The following MAP3K13 variants were observed in gnomAD, a reference collection of about 807,000 sequenced individuals.
MAP3K13 encodes leucine zipper-bearing kinase.
A neutral mutation model predicts 104.0 loss-of-function variants in MAP3K13; 52 were observed. The observed-to-expected ratio is 0.50, with a 90% CI of 0.40 to 0.63. The LOEUF (loss-of-function observed/expected upper bound fraction) is 0.63. Ranked by LOEUF, MAP3K13 falls within the 20% of genes least tolerant of loss-of-function variation. The probability of loss-of-function intolerance (pLI) is 0.00; values close to 1 mark genes in which losing one functional copy is unlikely to be tolerated. For missense variants in MAP3K13, 914 were observed against 1,218.5 expected, an observed-to-expected ratio of 0.75 and a Z score of 3.72; for synonymous variants, 394 against 442.2, an observed-to-expected ratio of 0.89 and a Z score of 1.37.
At chr3:185,455,263 TG>T (rs1178484439) in intron 7 of MAP3K13, among the ~76,000 whole-genome samples, 404 of 33,644 alleles carry the variant, frequency 0.012, 107 homozygotes, top group Non-Finnish European at 0.02. Flanking sequence ...ATGAGATATA[TG>T]AGATATATAT....
chr3:185,295,350 G>A (rs896823168), intron 2 of MAP3K13, among the ~76,000 whole-genome samples: 17 of 151,904 alleles, frequency 1.1e-4, no homozygotes, highest in African/African-American at 2.7e-4. Flanking sequence ...GATTATAGGC[G>A]CCCGCCACTA....
chr3:185,432,350 C>T (rs1340071859), intron 2 of MAP3K13, among the ~76,000 whole-genome samples: 1 of 151,920 alleles, frequency 6.6e-6, no homozygotes. Context: ...GCCACCACGC[C>T]TGGCTAATTT....
chr3:185,480,426 T>C lies in MAP3K13; in HGVS notation c.2696T>C (p.Ile899Thr). 5 of 1,614,212 alleles carry C rather than the reference T, an allele frequency of 3.1e-6. No homozygotes were observed. Among genetic ancestry groups the C allele is most frequent in the Non-Finnish European group, 4.2e-6 (5 of 1,180,038 alleles). ...CAGACGCCAGAGATTCCCATTGACA[T>C]ATCCTCACACTCGGATGGGCTCTCT... ...LSQTPEIPID[I>T]SSHSDGLSDK... Residue 899 changes from isoleucine to threonine, a missense_variant, in exon 13 of 14, where the codon ATA (isoleucine) becomes ACA (threonine). Coordinates refer to ENST00000265026, the MANE Select transcript of MAP3K13 (RefSeq NM_004721.5).
intron 2 of MAP3K13, among the ~76,000 whole-genome samples, chr3:185,327,004 A>C (rs921908102): frequency 6.6e-6 from 1 of 152,194 alleles, no homozygotes; most frequent in Non-Finnish European, 1.5e-5. Flanking sequence ...CAAATTATCA[A>C]AAACTTTGTG....
At chr3:185,296,534 C>T (rs1369149427) in intron 2 of MAP3K13, among the ~76,000 whole-genome samples, 1 of 152,150 alleles carries the variant, frequency 6.6e-6, no homozygotes, top group Non-Finnish European at 1.5e-5. Context: ...GTTATGTGAC[C>T]TCAGTGAGGC....
rs968515708 is a variant in MAP3K13, at chr3:185,485,806, A to C, written c.*3350A>C. On this transcript the variant is annotated 3_prime_UTR_variant, in exon 14 of 14. Transcript: ENST00000265026. ...CTGGGGGTCTTGGAATGTATCCCCC[A>C]GAAATAAGGGAGGACTACCGTATAT... 8.5e-5 allele frequency: 13 copies of C among 152,170 alleles called. No individual in the cohort carries two copies. The highest frequency in any genetic ancestry group is 3.1e-4 in the African/African-American group (13 of 41,446). The allele number at this position is 152,170 out of a possible 1,614,324, so 9.4% of individuals were successfully genotyped here. A position where few individuals can be genotyped will look rare whatever the true frequency, so the allele number is the denominator to read the frequency against.
intron 2 of MAP3K13, among the ~76,000 whole-genome samples, chr3:185,323,809 G>C (rs1011910114): frequency 1.3e-5 from 2 of 152,032 alleles, no homozygotes; most frequent in African/African-American, 4.8e-5. Context: ...TTCATAATTT[G>C]ATTGCCAATT....
chr3:185,433,595 A>T (rs1714867115), intron 2 of MAP3K13, among the ~76,000 whole-genome samples: 1 of 152,218 alleles, frequency 6.6e-6, no homozygotes, highest in African/African-American at 2.4e-5. Flanking sequence ...TACTTCTGAT[A>T]ATTAGTTTCA....
intron 2 of MAP3K13, among the ~76,000 whole-genome samples, chr3:185,324,987 C>A (rs1721998227): frequency 6.6e-6 from 1 of 152,150 alleles, no homozygotes; most frequent in African/African-American, 2.4e-5. Context: ...CAAACATGTG[C>A]ACCCAAAGAA....
intron 1 of MAP3K13, among the ~76,000 whole-genome samples, chr3:185,284,098 A>G (rs1443657723): frequency 6.6e-6 from 1 of 151,460 alleles, no homozygotes; most frequent in African/African-American, 2.4e-5. Context: ...TCGGCCTCCC[A>G]AAGTGCTGGG....
At chr3:185,340,469 T>A (rs548650399) in intron 2 of MAP3K13, among the ~76,000 whole-genome samples, 5 of 152,110 alleles carry the variant, frequency 3.3e-5, no homozygotes. Flanking sequence ...CAGGAATGGC[T>A]TTAGGTACCA....
At chr3:185,347,547 G>A (rs956312054) in intron 2 of MAP3K13, among the ~76,000 whole-genome samples, 2 of 152,010 alleles carry the variant, frequency 1.3e-5, no homozygotes, top group Admixed American at 6.6e-5. Flanking sequence ...TTTAATACTA[G>A]CCCATTTTCT....
rs973469746 is a variant in MAP3K13 at position 185,482,839 on chromosome 3, C to A, written c.*383C>A. On this transcript the variant is annotated 3_prime_UTR_variant, in exon 14 of 14. Transcript: ENST00000265026. The surrounding 1 kb of genome is among the most constrained non-coding windows in gnomAD (Gnocchi z 4.5). ...AAAAAAAAAGAGATAAAAGAAAGAA[C>A]AGAAAAAAAGAAATAAGTGGAATTT... 6 of 232,606 alleles carry A rather than the reference C, an allele frequency of 2.6e-5. No homozygotes were observed. Among genetic ancestry groups the A allele is most frequent in the Non-Finnish European group, 4.2e-5 (5 of 119,138 alleles). 14.4% of individuals were successfully genotyped at this position (232,606 alleles called of 1,614,324 possible).
intron 1 of MAP3K13, among the ~76,000 whole-genome samples, chr3:185,401,065 T>C (rs1712782067): frequency 6.6e-6 from 1 of 152,192 alleles, no homozygotes; most frequent in Non-Finnish European, 1.5e-5. Flanking sequence ...TGCAGGTTTA[T>C]ACAAGCTCAT....
rs1056202442 is a variant in MAP3K13, at chr3:185,485,110, A to T, written c.*2654A>T. 1 of 152,332 alleles carries T rather than the reference A, an allele frequency of 6.6e-6. No individual in the cohort carries two copies. Among genetic ancestry groups the T allele is most frequent in the African/African-American group, 2.4e-5 (1 of 41,576 alleles). The allele number at this position is 152,332 out of a possible 1,614,324, so 9.4% of individuals were successfully genotyped here. A position where few individuals can be genotyped will look rare whatever the true frequency, so the allele number is the denominator to read the frequency against. On this transcript the variant is annotated 3_prime_UTR_variant, in exon 14 of 14. Transcript: ENST00000265026. ...AATAGTGGATGGACATATAGTTAAA[A>T]AGCTGTAAACTTTCTAAAGTTTCTT...
At chr3:185,456,726 C>T (rs774120681) in intron 7 of MAP3K13, among the ~76,000 whole-genome samples, 20 of 151,652 alleles carry the variant, frequency 1.3e-4, no homozygotes, top group African/African-American at 2.9e-4. Context: ...CTCAGCTTCC[C>T]GAGTAGCTGG....
Position 185,456,863 on chromosome 3 carries a change from C to A in MAP3K13, c.1278+5468C>A, listed in dbSNP as rs140122666. 5.7e-3 allele frequency among the ~76,000 whole-genome samples: 870 copies of A among 152,216 alleles called. 5 individuals carry two copies. The highest frequency in any genetic ancestry group is 0.019 in the African/African-American group (778 of 41,556). ...TGATCCACCCACCTTGGCCTCCCAA[C>A]GTGCTGCGGTTACAGGTGTGAGCCA... is the stretch of plus-strand genomic sequence containing the variant. On this transcript the variant is annotated intron_variant, in intron 7 of 13. Transcript: ENST00000265026.
chr3:185,460,207 C>T (rs763083258), intron 7 of MAP3K13, among the ~76,000 whole-genome samples: 12 of 152,180 alleles, frequency 7.9e-5, no homozygotes, highest in East Asian at 1.9e-4. Context: ...TTGAATAGTA[C>T]GGAGCCTGAC....
At chr3:185,439,579 G>A (rs1030396940) in intron 3 of MAP3K13, among the ~76,000 whole-genome samples, 6 of 152,126 alleles carry the variant, frequency 3.9e-5, no homozygotes, top group African/African-American at 9.7e-5. Flanking sequence ...AGAATGTCCC[G>A]TAGATGAGTA....
Sources: allele counts gnomAD v4.1 joint callset (sites outside exome capture counted in the v4.1 genomes callset), GRCh38; gene constraint gnomAD v4.1.1; non-coding constraint Gnocchi (gnomAD v3.1); transcripts MANE v1.5; gene names NCBI Gene and HGNC (gene_info 2026-07-23, HGNC 2026-07-21).